TENT5C: variants seen among roughly 807,000 people sequenced by gnomAD.
TENT5C encodes the protein family with sequence similarity 46 member C.
A neutral mutation model predicts 22.2 loss-of-function variants in TENT5C; 5 were observed. That is an observed-to-expected ratio of 0.22 (90% CI 0.12 to 0.47). TENT5C has a LOEUF of 0.47. Ranked by LOEUF, TENT5C falls within the 20% of genes least tolerant of loss-of-function variation. TENT5C has a pLI of 0.99. For missense variants in TENT5C, 364 were observed against 500.9 expected (o/e 0.73, Z 2.61); for synonymous variants, 199 against 195.4 (o/e 1.02, Z -0.15).
At chr1:117,615,032 A>C (rs181570108) in intron 1 of TENT5C, among the ~76,000 whole-genome samples, 37 of 152,334 alleles carry the variant, frequency 2.4e-4, no homozygotes, top group Admixed American at 1.5e-3. Context: ...AATCACATTC[A>C]GTTCTGGTGG....
Position 117,626,659 on chromosome 1 carries a change from C to A in TENT5C, c.*2615C>A, listed in dbSNP as rs978549114. 1 of 247,902 alleles carries A rather than the reference C, an allele frequency of 4.0e-6. No individual in the cohort carries two copies. Among genetic ancestry groups the A allele is most frequent in the Non-Finnish European group, 8.5e-6 (1 of 118,100 alleles). The allele number at this position is 247,902 out of a possible 1,614,324, so 15.4% of individuals were successfully genotyped here. A position where few individuals can be genotyped will look rare whatever the true frequency, so the allele number is the denominator to read the frequency against. On this transcript the variant is annotated 3_prime_UTR_variant, in exon 2 of 2. Transcript: ENST00000369448. ...CTAATGCTCACACAAGCACCAGGTA[C>A]CCTGAGCTTATACTGAGTCCAGTGG...
chr1:117,618,957 G>C (rs1037742471), intron 1 of TENT5C, among the ~76,000 whole-genome samples: 2 of 152,188 alleles, frequency 1.3e-5, no homozygotes, highest in South Asian at 2.1e-4. Flanking sequence ...AGAAAGAACA[G>C]CTGTCTTGAA....
At chr1:117,610,977 C>G (rs1264182030) in intron 1 of TENT5C, among the ~76,000 whole-genome samples, 1 of 152,202 alleles carries the variant, frequency 6.6e-6, no homozygotes, top group African/African-American at 2.4e-5. Context: ...ACTGCAACTG[C>G]CCACACCCTC....
rs750209528 is a variant in TENT5C, at chr1:117,623,762, A to G, written c.894A>G (p.Glu298=). Residue 298 remains glutamate (E), a synonymous_variant, in exon 2 of 2, where the codon GAA becomes GAG. Transcript: ENST00000369448. ...CTTACCTTCAAAACCACTTCGCTGA[A>G]GAAGAGAGAAGCAAGTACGACTACC... is the stretch of plus-strand genomic sequence containing the variant. ...LETYLQNHFA[E]EERSKYDYLM... is the part of the protein sequence containing the mutation. The G allele has an allele frequency of 6.2e-7, 1 of 1,614,192 alleles. No homozygotes were observed. The highest frequency in any genetic ancestry group is 8.5e-7 in the Non-Finnish European group (1 of 1,180,052).
At chr1:117,610,854 C>T (rs1653656033) in intron 1 of TENT5C, among the ~76,000 whole-genome samples, 1 of 152,064 alleles carries the variant, frequency 6.6e-6, no homozygotes. Context: ...CTTCCTTCTA[C>T]CTTCTTTTCT....
At position 117,624,901 on chromosome 1, in the gene TENT5C, T is replaced by C. The variant is rs1653976783; in HGVS notation, c.*857T>C. 8.1e-6 allele frequency: 2 copies of C among 247,942 alleles called. No individual in the cohort carries two copies. Among genetic ancestry groups the C allele is most frequent in the African/African-American group, 4.4e-5 (2 of 45,348 alleles). The allele number at this position is 247,942 out of a possible 1,614,324, so 15.4% of individuals were successfully genotyped here. On this transcript the variant is annotated 3_prime_UTR_variant, in exon 2 of 2. Transcript: ENST00000369448. ...ATTAAATGGCTCCCTGCCTTTTTTT[T>C]CTTTTTTCCTCATCAGCTCTTTCAT... is the stretch of plus-strand genomic sequence containing the variant.
chr1:117,624,011 C>G lies in TENT5C; in HGVS notation c.1143C>G (p.Ser381Arg), dbSNP rs1558008138. The G allele has an allele frequency of 6.2e-7, 1 of 1,613,722 alleles. No homozygotes were observed. The highest frequency in any genetic ancestry group is 1.1e-5 in the South Asian group (1 of 90,944). ...TTGCCCATCCTCCAGTCACCTACAG[C>G]CAGCCTTACCCTACCTGGCTGCCCT... Reference protein sequence around the residue: ...YYVAHPPVTYSQPYPTWLPCN With the variant: ...YYVAHPPVTYRQPYPTWLPCN The change falls in exon 2 of 2, where the codon AGC (serine) becomes AGG (arginine). Residue 381 changes from serine to arginine, a missense_variant. Coordinates refer to ENST00000369448, the MANE Select transcript of TENT5C (RefSeq NM_017709.4).
At position 117,628,077 on chromosome 1, in the gene TENT5C, T is replaced by A. The variant is rs1166862746; in HGVS notation, c.*4033T>A. ...TGGGTGTTTTTAAAAAAACTCAACC[T>A]ATCTGGTGTTTTATTTTAATGGATA... On this transcript the variant is annotated 3_prime_UTR_variant, in exon 2 of 2. Transcript: ENST00000369448. 1 of 248,020 alleles carries A rather than the reference T, an allele frequency of 4.0e-6. No homozygotes were observed. The highest frequency in any genetic ancestry group is 8.5e-6 in the Non-Finnish European group (1 of 118,130). The allele number at this position is 248,020 out of a possible 1,614,324, so 15.4% of individuals were successfully genotyped here.
rs547364039 is a variant in TENT5C at position 117,624,448 on chromosome 1, T to G, written c.*404T>G. On this transcript the variant is annotated 3_prime_UTR_variant, in exon 2 of 2. Transcript: ENST00000369448. The stretch of plus-strand genomic sequence containing the variant: ...GAGCCCGGGTAGGCTGTGTTGGCCC[T>G]CACTTGGGATTCTCAGCAGTTACAT... 2 of 262,208 alleles carry G rather than the reference T, an allele frequency of 7.6e-6. No individual in the cohort carries two copies. Among genetic ancestry groups the G allele is most frequent in the African/African-American group, 4.4e-5 (2 of 45,940 alleles). 16.2% of individuals were successfully genotyped at this position (262,208 alleles called of 1,614,324 possible).
At chr1:117,616,785 A>G (rs944791220) in intron 1 of TENT5C, among the ~76,000 whole-genome samples, 1 of 152,242 alleles carries the variant, frequency 6.6e-6, no homozygotes, top group Non-Finnish European at 1.5e-5. Flanking sequence ...AGAAGAAGGT[A>G]ACACTTAGTT....
Position 117,623,138 on chromosome 1 carries a change from C to T in TENT5C, c.270C>T (p.Asp90=), listed in dbSNP as rs753271820. ...LVKDNGLGCK[D]LDLIFHVALP... is the part of the protein sequence containing the mutation. ...AAGACAATGGCTTGGGCTGCAAAGACCTGGACCTAATCTTCCATGTGGCTC... is the reference window on the plus strand; with the variant it reads ...AAGACAATGGCTTGGGCTGCAAAGATCTGGACCTAATCTTCCATGTGGCTC... Residue 90 remains aspartate, a synonymous_variant, in exon 2 of 2, where the codon GAC becomes GAT. Transcript: ENST00000369448. The T allele has an allele frequency of 2.5e-6, 4 of 1,614,200 alleles. No individual in the cohort carries two copies. Among genetic ancestry groups the T allele is most frequent in the Non-Finnish European group, 3.4e-6 (4 of 1,180,040 alleles).
At chr1:117,622,672 CTG>C (rs1653919444) in intron 1 of TENT5C, among the ~76,000 whole-genome samples, 168 bp from the exon 2 acceptor site, 2 of 152,326 alleles carry the variant, frequency 1.3e-5, no homozygotes, top group South Asian at 4.1e-4. Flanking sequence ...TGCAGTGTCA[CTG>C]TTTTTTACAT....
chr1:117,622,538 G>C (rs2101079526), intron 1 of TENT5C, among the ~76,000 whole-genome samples: 1 of 152,244 alleles, frequency 6.6e-6, no homozygotes, highest in Non-Finnish European at 1.5e-5. Context: ...CTCACATTCT[G>C]TTTTCAGAAC....
rs753758613 is a variant in TENT5C, at chr1:117,627,691, C to T, written c.*3647C>T. On this transcript the variant is annotated 3_prime_UTR_variant, in exon 2 of 2. Transcript: ENST00000369448. The stretch of plus-strand genomic sequence containing the variant: ...TTGCAGAGACTAGAATTTCACAGCT[C>T]GCTTTGGAACATATTCCAATTCAAC... 3 of 247,886 alleles carry T rather than the reference C, an allele frequency of 1.2e-5. No individual in the cohort carries two copies. The highest frequency in any genetic ancestry group is 6.0e-5 in the East Asian group (1 of 16,576). 15.4% of individuals were successfully genotyped at this position (247,886 alleles called of 1,614,324 possible). A position where few individuals can be genotyped will look rare whatever the true frequency, so the allele number is the denominator to read the frequency against.
chr1:117,622,783 C>T (rs769594946), intron 1 of TENT5C, 59 bp from the exon 2 acceptor site: 19 of 1,178,398 alleles, frequency 1.6e-5, no homozygotes, highest in South Asian at 5.8e-5. Flanking sequence ...GTGAGTTCCT[C>T]GAGCTGCTTT....
rs1475618156 is a variant in TENT5C at position 117,626,326 on chromosome 1, A to C, written c.*2282A>C. 1 of 247,732 alleles carries C rather than the reference A, an allele frequency of 4.0e-6. No individual in the cohort carries two copies. The highest frequency in any genetic ancestry group is 8.5e-6 in the Non-Finnish European group (1 of 118,042). The allele number at this position is 247,732 out of a possible 1,614,324, so 15.3% of individuals were successfully genotyped here. ...CATCTGGTAATAGTCCTCTTCTGAG[A>C]ATGAAAGGAGGCACAGAAGTTGCGA... is the stretch of plus-strand genomic sequence containing the variant. On this transcript the variant is annotated 3_prime_UTR_variant, in exon 2 of 2. Coordinates refer to ENST00000369448, the MANE Select transcript of TENT5C (RefSeq NM_017709.4).
chr1:117,618,640 C>T (rs1004794221), intron 1 of TENT5C, among the ~76,000 whole-genome samples: 1 of 152,028 alleles, frequency 6.6e-6, no homozygotes, highest in Non-Finnish European at 1.5e-5. Context: ...TTAAATAAGG[C>T]AGCAGGTGAA....
chr1:117,616,060 T>C (rs973529630), intron 1 of TENT5C, among the ~76,000 whole-genome samples: 1 of 152,208 alleles, frequency 6.6e-6, no homozygotes, highest in African/African-American at 2.4e-5. Context: ...CCACCTCCCA[T>C]CCACCATGGC....
At position 117,623,076 on chromosome 1, in the gene TENT5C, C is replaced by A; in HGVS notation, c.208C>A (p.Arg70=). Residue 70 remains arginine (R), a synonymous_variant, in exon 2 of 2, where the codon CGG becomes AGG. Coordinates refer to ENST00000369448, the MANE Select transcript of TENT5C (RefSeq NM_017709.4). ...EEAGIKVHDV[R]LNGSAAGHVL... Reference sequence around the variant, plus strand: ...GGCAGGCATCAAAGTGCACGACGTCCGGCTGAATGGCTCCGCAGCTGGCCA... The same window carrying A: ...GGCAGGCATCAAAGTGCACGACGTCAGGCTGAATGGCTCCGCAGCTGGCCA... 6.2e-7 allele frequency: 1 copy of A among 1,614,162 alleles called. No homozygotes were observed. Among genetic ancestry groups the A allele is most frequent in the Non-Finnish European group, 8.5e-7 (1 of 1,180,028 alleles).
Sources: gnomAD v4.1 joint callset for allele counts (sites outside exome capture counted in the v4.1 genomes callset) on GRCh38, gnomAD v4.1.1 for gene constraint, MANE v1.5 for transcripts, NCBI Gene and HGNC (gene_info 2026-07-23, HGNC 2026-07-21) for gene names.